The following TTN variants were observed in gnomAD, a reference collection of about 807,000 sequenced individuals.
The protein encoded by TTN is connectin.
TTN carries 1,525 observed loss-of-function variants against 3,223.0 expected under a neutral mutation model. The ratio of observed to expected loss-of-function variants is 0.47; its 90% CI spans 0.45 to 0.49. The LOEUF is 0.49. Among genes scored for constraint, TTN ranks in the 20% least tolerant of loss-of-function variants. TTN has a pLI of 0.00. For synonymous variants in TTN, 14,094 were observed against 15,161.0 expected (o/e 0.93, Z 5.17); for missense variants, 40,786 against 43,424.0 (o/e 0.94, Z 5.40).
chr2:178,570,021 C>T lies in TTN; in HGVS notation c.76111G>A (p.Glu25371Lys), dbSNP rs755460020. 2 of 1,613,216 alleles carry T rather than the reference C, an allele frequency of 1.2e-6. No homozygotes were observed. The highest frequency in any genetic ancestry group is 4.5e-5 in the East Asian group (2 of 44,760). The change falls in exon 326 of 363, where the codon GAA becomes AAA. Residue 25371 changes from glutamate (E) to lysine (K), a missense_variant. Transcript: ENST00000589042. ...ACTCTGAACTCATAATCGTGATTTT[C>T]TATGAGTCCAGTTACTCTCAGGCGC... ...ELRLRVTGLI[E>K]NHDYEFRVSA...
Position 178,576,754 on chromosome 2 carries a change from C to T in TTN, c.69490G>A (p.Val23164Met), listed in dbSNP as rs755341733. 4 of 1,613,520 alleles carry T rather than the reference C, an allele frequency of 2.5e-6. No individual in the cohort carries two copies. The highest frequency in any genetic ancestry group is 1.1e-5 in the South Asian group (1 of 91,070). ...GTAATTTCGCTGCCACCATCATCCA[C>T]TGGCCTTTTCCAGCTGACAGTGGCA... is the stretch of plus-strand genomic sequence containing the variant. ...NTATVSWKRP[V>M]DDGGSEITGY... The change falls in exon 325 of 363, where the codon GTG becomes ATG. Residue 23164 changes from valine (V) to methionine (M), a missense_variant. By Grantham distance (21) the Val-to-Met change is conservative. Transcript: ENST00000589042. The surrounding 1 kb of genome is among the most constrained non-coding windows in gnomAD (Gnocchi z 4.3).
chr2:178,753,110 C>T lies in TTN; in HGVS notation c.11311+14G>A, dbSNP rs2086011850. 1.2e-6 allele frequency: 2 copies of T among 1,603,848 alleles called. No homozygotes were observed. The highest frequency in any genetic ancestry group is 1.7e-6 in the Non-Finnish European group (2 of 1,173,048). ...AGAATTTCTACTTAAATCTCACATC[C>T]ATTATAACAATACCTTTCATTTCCA... On this transcript the variant is annotated intron_variant, in intron 47 of 362. Coordinates refer to ENST00000589042, the MANE Select transcript of TTN (RefSeq NM_001267550.2).
intron 13 of TTN, among the ~76,000 whole-genome samples, chr2:178,787,532 G>T (rs941358003): frequency 6.6e-6 from 1 of 152,018 alleles, no homozygotes; most frequent in African/African-American, 2.4e-5. Context: ...TATTTTGATT[G>T]TAGTGTGATC....
chr2:178,703,089 T>C (rs1328271356), intron 106 of TTN, among the ~76,000 whole-genome samples: 1 of 152,218 alleles, frequency 6.6e-6, no homozygotes, highest in Non-Finnish European at 1.5e-5. Flanking sequence ...TTATCTAATA[T>C]GTATAACTTT....
At chr2:178,668,455 G>T (rs912931414) in intron 159 of TTN, among the ~76,000 whole-genome samples, 8 of 152,232 alleles carry the variant, frequency 5.3e-5, no homozygotes, top group African/African-American at 1.9e-4. Context: ...AGCGGGTCTG[G>T]TGTAGTGGCT....
Position 178,636,592 on chromosome 2 carries a change from G to A in TTN, c.41135C>T (p.Pro13712Leu), listed in dbSNP as rs1425096489. The change falls in exon 225 of 363, where the codon CCT (proline) becomes CTT (leucine). Residue 13712 changes from proline to leucine, a missense_variant. Transcript: ENST00000589042. This position sits in a 1 kb window ranked among gnomAD's most constrained non-coding sequence, Gnocchi z 4.3. Reference protein sequence around the residue: ...SSAIFECLVSPSTAITTWMKD... With the variant: ...SSAIFECLVSLSTAITTWMKD... ...CATCCAGGTTGTAATTGCAGTGGAA[G>A]GGGAGACCAAACATTCAAAGATTGC... 1.2e-6 allele frequency: 2 copies of A among 1,613,422 alleles called. No individual in the cohort carries two copies. The highest frequency in any genetic ancestry group is 1.7e-6 in the Non-Finnish European group (2 of 1,179,588).
Position 178,784,246 on chromosome 2 carries a change from T to A in TTN, c.2599A>T (p.Ser867Cys). 2 of 1,614,180 alleles carry A rather than the reference T, an allele frequency of 1.2e-6. No homozygotes were observed. Among genetic ancestry groups the A allele is most frequent in the Non-Finnish European group, 8.5e-7 (1 of 1,180,006 alleles). ...KSVKAPTVKP[S>C]ETRVRAEPTP... is the part of the protein sequence containing the mutation. ...GGCTCTGCCCTTACTCTAGTCTCAC[T>A]GGGCTTCACAGTAGGAGCCTTCACC... The change falls in exon 16 of 363, where the codon AGT (serine) becomes TGT (cysteine). Residue 867 changes from serine (S) to cysteine (C), a missense_variant. Physicochemically the swap from Ser to Cys is moderately radical, Grantham distance 112. Coordinates refer to ENST00000589042, the MANE Select transcript of TTN (RefSeq NM_001267550.2).
intron 100 of TTN, 38 bp downstream of exon 100, chr2:178,707,488 C>A: frequency 6.5e-7 from 1 of 1,547,936 alleles, no homozygotes; most frequent in South Asian, 1.3e-5. Flanking sequence ...TGAGTGGTTG[C>A]TGGCTTGAGC....
At position 178,551,933 on chromosome 2, in the gene TTN, T is replaced by C. The variant is rs936488756; in HGVS notation, c.90967A>G (p.Arg30323Gly). The C allele has an allele frequency of 1.2e-6, 2 of 1,613,520 alleles. No individual in the cohort carries two copies. Among genetic ancestry groups the C allele is most frequent in the South Asian group, 1.1e-5 (1 of 91,056 alleles). ...SSIIVAKHQF[R>G]IPGPPGKPVI... is the part of the protein sequence containing the mutation. ...GGCTTTCCTGGGGGACCAGGAATCCTGAACTGGTGTTTTGCCACAATAATG... is the reference window on the plus strand; with the variant it reads ...GGCTTTCCTGGGGGACCAGGAATCCCGAACTGGTGTTTTGCCACAATAATG... The change falls in exon 335 of 363, where the codon AGG (arginine) becomes GGG (glycine). Residue 30323 changes from arginine to glycine, a missense_variant. Arg to Gly is a moderately radical substitution (Grantham distance 125). Transcript: ENST00000589042.
chr2:178,678,460 C>T lies in TTN; in HGVS notation c.33864G>A (p.Lys11288=), dbSNP rs372990239. 6.3e-7 allele frequency: 1 copy of T among 1,595,736 alleles called. No individual in the cohort carries two copies. Among genetic ancestry groups the T allele is most frequent in the South Asian group, 1.1e-5 (1 of 87,208 alleles). The change falls in exon 144 of 363, where the codon AAG becomes AAA. Residue 11288 remains lysine (K), a synonymous_variant. Coordinates refer to ENST00000589042, the MANE Select transcript of TTN (RefSeq NM_001267550.2). ...EVPKKPVPEK[K]VPVPAPKKVE... ...CTTTCTTAGGAGCAGGAACTGGCAC[C>T]TTCTTCTCAGGCACAGGCTTCTTGG...
chr2:178,556,831 G>A lies in TTN; in HGVS notation c.88306+17C>T. 1.2e-6 allele frequency: 2 copies of A among 1,610,922 alleles called. No individual in the cohort carries two copies. Among genetic ancestry groups the A allele is most frequent in the Non-Finnish European group, 1.7e-6 (2 of 1,178,766 alleles). On this transcript the variant is annotated intron_variant, in intron 330 of 362. Coordinates refer to ENST00000589042, the MANE Select transcript of TTN (RefSeq NM_001267550.2). ...AGTTAAATAGCAATTTTGATTCAAA[G>A]TGCTAAGCATGCTTACCATAAGAAT... is the stretch of plus-strand genomic sequence containing the variant.
chr2:178,595,266 G>A (rs1231487538), intron 295 of TTN, among the ~76,000 whole-genome samples: 1 of 149,576 alleles, frequency 6.7e-6, no homozygotes, highest in East Asian at 2.1e-4. Flanking sequence ...AAGACTATGT[G>A]TCAAAACAAA....
At position 178,598,580 on chromosome 2, in the gene TTN, G is replaced by C. The variant is rs1163783293; in HGVS notation, c.57037C>G (p.Leu19013Val). The C allele has an allele frequency of 1.9e-6, 3 of 1,608,464 alleles. No homozygotes were observed. Residue 19013 changes from leucine (L) to valine (V), a missense_variant, in exon 292 of 363, where the codon CTA (leucine) becomes GTA (valine). Transcript: ENST00000589042. ...GTTACTTTGGATCCACCATCTTTTA[G>C]TGGGGGAGACCACTCCAGATCTGCA... is the stretch of plus-strand genomic sequence containing the variant. ...SSADLEWSPPLKDGGSKVTGY... is the reference protein window; with the variant it reads ...SSADLEWSPPVKDGGSKVTGY...
chr2:178,559,431 G>C lies in TTN; in HGVS notation c.86701C>G (p.Arg28901Gly), dbSNP rs757848764. The change falls in exon 326 of 363, where the codon CGC (arginine) becomes GGC (glycine). Residue 28901 changes from arginine (R) to glycine (G), a missense_variant. Transcript: ENST00000589042. ...AWVSVTNNCN[R>G]LSYKVTNLQE... Reference sequence around the variant, plus strand: ...AAATTGGTAACTTTGTAGGAGAGGCGGTTACAGTTGTTGGTCACAGAGACC... The same window carrying C: ...AAATTGGTAACTTTGTAGGAGAGGCCGTTACAGTTGTTGGTCACAGAGACC... 6.2e-7 allele frequency: 1 copy of C among 1,613,658 alleles called. No homozygotes were observed. The highest frequency in any genetic ancestry group is 1.7e-5 in the Admixed American group (1 of 59,998).
intron 164 of TTN, 73 bp downstream of exon 164, chr2:178,665,635 T>G: frequency 7.9e-7 from 1 of 1,269,026 alleles, no homozygotes; most frequent in Non-Finnish European, 1.1e-6. Flanking sequence ...TTTATTATTC[T>G]CCAGTTCCCT....
intron 335 of TTN, 34 bp from the exon 336 acceptor site, chr2:178,551,294 A>C (rs3815874): frequency 6.4e-7 from 1 of 1,569,926 alleles, no homozygotes; most frequent in African/African-American, 1.4e-5. Context: ...ATGCATCATT[A>C]CATTTGTAAC....
Position 178,794,397 on chromosome 2 carries a change from A to G in TTN, c.1398+2T>C. The G allele has an allele frequency of 6.2e-7, 1 of 1,614,166 alleles. No homozygotes were observed. The highest frequency in any genetic ancestry group is 8.5e-7 in the Non-Finnish European group (1 of 1,180,014). ...GGTGCCCCATGGCAGCCTCGCACGT[A>G]CCTGTTCTTGAGCAGGTTGGATGTG... On this transcript the variant is annotated splice_donor_variant, in intron 8 of 362. Transcript: ENST00000589042. LOFTEE classifies it high-confidence loss of function.
At position 178,777,322 on chromosome 2, in the gene TTN, A is replaced by C. The variant is rs750400475; in HGVS notation, c.4646-5T>G. On this transcript the variant is annotated splice_region_variant and splice_polypyrimidine_tract_variant and intron_variant, in intron 26 of 362. Coordinates refer to ENST00000589042, the MANE Select transcript of TTN (RefSeq NM_001267550.2). ...GTTTTACCTGATGTTCCACAGCTGA[A>C]AGAGAAAGGTCATGATTTAGAGGGA... 6.2e-7 allele frequency: 1 copy of C among 1,613,712 alleles called. No homozygotes were observed. Among genetic ancestry groups the C allele is most frequent in the Non-Finnish European group, 8.5e-7 (1 of 1,179,946 alleles).
In TTN at chr2:178,561,492, T is replaced by A; in HGVS notation, c.84640A>T (p.Met28214Leu). ...CCTTCATCAAGGCCGGAGACTTTCA[T>A]TTGAGTATCAGCAATGAGGATTTTA... ...ANKILIADTQ[M>L]KVSGLDEGLM... The change falls in exon 326 of 363, where the codon ATG becomes TTG. Residue 28214 changes from methionine to leucine, a missense_variant. Transcript: ENST00000589042. 1 of 1,613,768 alleles carries A rather than the reference T, an allele frequency of 6.2e-7. No individual in the cohort carries two copies. The highest frequency in any genetic ancestry group is 1.1e-5 in the South Asian group (1 of 91,074).
Sources: allele counts gnomAD v4.1 joint callset (sites outside exome capture counted in the v4.1 genomes callset), GRCh38; gene constraint gnomAD v4.1.1; non-coding constraint Gnocchi (gnomAD v3.1); transcripts MANE v1.5; gene names NCBI Gene and HGNC (gene_info 2026-07-23, HGNC 2026-07-21).